Variants in LPP observed in about 807,000 individuals in gnomAD.
LPP encodes the protein LIM domain containing preferred translocation partner in lipoma.
In LPP, 38 loss-of-function variants were observed where a neutral mutation model predicts 60.4. The ratio of observed to expected loss-of-function variants is 0.63; its 90% CI spans 0.49 to 0.83. The LOEUF is 0.83. Ranked by LOEUF, LPP falls within the 40% of genes least tolerant of loss-of-function variation. The pLI is 0.00. For synonymous variants in LPP, 328 were observed against 290.8 expected (o/e 1.13, Z -1.30); for missense variants, 902 against 783.6 (o/e 1.15, Z -1.80).
intron 7 of LPP, among the ~76,000 whole-genome samples, chr3:188,647,387 G>GA (rs895899264): frequency 6.3e-4 from 93 of 148,096 alleles, no homozygotes; most frequent in South Asian, 5.3e-3. Flanking sequence ...TTCATTAGTT[G>GA]AAAAAAAAAA....
chr3:188,613,903 T>TTTTA (rs55728018), intron 7 of LPP, among the ~76,000 whole-genome samples: 19,139 of 142,470 alleles, frequency 0.13, 1,436 homozygotes, highest in African/African-American at 0.17. Flanking sequence ...TTTAAATTAA[T>TTTTA]TTTATTTATT....
chr3:188,683,277 A>G (rs1339877611), intron 7 of LPP, among the ~76,000 whole-genome samples: 3 of 151,904 alleles, frequency 2.0e-5, no homozygotes, highest in African/African-American at 7.3e-5. Flanking sequence ...ACTGTGGGCC[A>G]TGGACCTGGG....
intron 6 of LPP, among the ~76,000 whole-genome samples, chr3:188,543,073 A>G (rs1034408858): frequency 3.3e-5 from 5 of 152,100 alleles, no homozygotes; most frequent in African/African-American, 1.2e-4. Flanking sequence ...AAGCTCTGAC[A>G]TGTCTTTCCT....
intron 3 of LPP, among the ~76,000 whole-genome samples, chr3:188,378,456 C>G (rs576416191): frequency 9.9e-5 from 15 of 152,230 alleles, no homozygotes; most frequent in Non-Finnish European, 1.9e-4. Context: ...GTTGTTTGAT[C>G]TCGGACCGCT....
chr3:188,330,258 G>C (rs547588272), intron 2 of LPP, among the ~76,000 whole-genome samples: 1 of 152,326 alleles, frequency 6.6e-6, no homozygotes, highest in Non-Finnish European at 1.5e-5. Flanking sequence ...TTATGTTATA[G>C]AGTAACTTTT....
chr3:188,534,469 G>A (rs2150313632), intron 6 of LPP, among the ~76,000 whole-genome samples: 1 of 152,242 alleles, frequency 6.6e-6, no homozygotes, highest in Admixed American at 6.5e-5. Context: ...TTCTTGTTAG[G>A]ACTGGTTTCT....
chr3:188,802,812 A>G (rs1414793948), intron 9 of LPP, among the ~76,000 whole-genome samples: 1 of 152,076 alleles, frequency 6.6e-6, no homozygotes, highest in Non-Finnish European at 1.5e-5. Flanking sequence ...TTTAAAATAT[A>G]TATTGCATAT....
In LPP at chr3:188,469,415, TTTGA is replaced by T. The variant is rs1244696457; in HGVS notation, c.194-15173_194-15170del. On this transcript the variant is annotated intron_variant, in intron 4 of 11. Transcript: ENST00000617246. ...CATTTTTGAGGACAAAACTACCCTC[TTTGA>T]TTGGTATGTTACAATAGCTTGTTTA... 3.9e-5 allele frequency among the ~76,000 whole-genome samples: 6 copies of T among 152,276 alleles called. No homozygotes were observed. The East Asian group carries it at 1.2e-3, about 29-fold the overall frequency.
intron 6 of LPP, among the ~76,000 whole-genome samples, chr3:188,577,855 C>CTA (rs2150944206): frequency 8.3e-6 from 1 of 120,770 alleles, no homozygotes; most frequent in Admixed American, 8.5e-5. Flanking sequence ...CTTTCTCTCT[C>CTA]TCTCTTTTCC....
intron 1 of LPP, among the ~76,000 whole-genome samples, chr3:188,220,303 T>C (rs1465696580): frequency 6.6e-6 from 1 of 151,872 alleles, no homozygotes; most frequent in Non-Finnish European, 1.5e-5. Context: ...CACCGTGTGG[T>C]ATGAAAATTT....
At chr3:188,506,898 C>A in intron 5 of LPP, among the ~76,000 whole-genome samples, 1 of 151,894 alleles carries the variant, frequency 6.6e-6, no homozygotes, top group East Asian at 1.9e-4. Flanking sequence ...CCCGGGTTCA[C>A]GCCATTCTCC....
Position 188,317,423 on chromosome 3 carries a change from A to C in LPP, c.-66-24240A>C, listed in dbSNP as rs79271912. Among the ~76,000 whole-genome samples the C allele has an allele frequency of 6.7e-3, 1,016 of 152,182 alleles. 14 individuals carry two copies. Among genetic ancestry groups the C allele is most frequent in the African/African-American group, 0.024 (988 of 41,514 alleles). On this transcript the variant is annotated intron_variant, in intron 2 of 11. Transcript: ENST00000617246. Reference sequence around the variant, plus strand: ...TGGATTCAGGCTTGAGCAGTGCCAAAAATTTTCGTTATGGCCTTGGTAAAG... The same window carrying C: ...TGGATTCAGGCTTGAGCAGTGCCAACAATTTTCGTTATGGCCTTGGTAAAG...
chr3:188,420,367 G>T (rs1787474226), intron 4 of LPP, among the ~76,000 whole-genome samples: 2 of 151,942 alleles, frequency 1.3e-5, no homozygotes, highest in African/African-American at 4.8e-5. Flanking sequence ...TTTTACTATT[G>T]AACTATAAGT....
chr3:188,757,640 A>G (rs1256473940), intron 8 of LPP, among the ~76,000 whole-genome samples: 1 of 152,192 alleles, frequency 6.6e-6, no homozygotes, highest in Non-Finnish European at 1.5e-5. Context: ...TGACATCTAG[A>G]AAAGGGAAGA....
intron 6 of LPP, among the ~76,000 whole-genome samples, chr3:188,549,103 T>C (rs962361967): frequency 7.9e-5 from 12 of 152,214 alleles, no homozygotes; most frequent in African/African-American, 2.9e-4. Context: ...ACATTATATG[T>C]ATGGAATTTC....
chr3:188,630,688 G>C (rs185679231), intron 7 of LPP, among the ~76,000 whole-genome samples: 1 of 152,240 alleles, frequency 6.6e-6, no homozygotes, highest in Non-Finnish European at 1.5e-5. Flanking sequence ...GCCATTAAAA[G>C]TAATGGCAGA....
chr3:188,532,012 C>G (rs1374724325), intron 6 of LPP, among the ~76,000 whole-genome samples: 1 of 152,066 alleles, frequency 6.6e-6, no homozygotes, highest in Non-Finnish European at 1.5e-5. Flanking sequence ...AATAGTAACT[C>G]CAGGTAGATT....
chr3:188,436,151 A>G (rs192345126), intron 4 of LPP, among the ~76,000 whole-genome samples: 4 of 152,374 alleles, frequency 2.6e-5, no homozygotes, highest in African/African-American at 4.8e-5. Context: ...TCCATTGTGT[A>G]GATTACTAAA....
At chr3:188,786,449 A>G (rs1237171272) in intron 9 of LPP, among the ~76,000 whole-genome samples, 1 of 150,250 alleles carries the variant, frequency 6.7e-6, no homozygotes, top group Non-Finnish European at 1.5e-5. Context: ...GAGTGGAGAG[A>G]CTGCATCAAT....
Sources: gnomAD v4.1 joint callset for allele counts (sites outside exome capture counted in the v4.1 genomes callset) on GRCh38, gnomAD v4.1.1 for gene constraint, MANE v1.5 for transcripts, NCBI Gene and HGNC (gene_info 2026-07-23, HGNC 2026-07-21) for gene names.